YES1: variants seen among roughly 807,000 people sequenced by gnomAD.
The protein encoded by YES1 is YES proto-oncogene 1, Src family tyrosine kinase, also known as tyrosine-protein kinase Yes.
YES1 carries 39 observed loss-of-function variants against 70.4 expected under a neutral mutation model. The ratio of observed to expected loss-of-function variants is 0.55; its 90% CI spans 0.43 to 0.72. The LOEUF (loss-of-function observed/expected upper bound fraction) is 0.72, where lower values mean the gene tolerates loss of function less well. Among genes scored for constraint, YES1 ranks in the 30% least tolerant of loss-of-function variants. The pLI, the probability that YES1 is intolerant of heterozygous loss-of-function variation, is 0.00. For synonymous variants in YES1, 198 were observed against 218.6 expected, an observed-to-expected ratio of 0.91 and a Z score of 0.83; for missense variants, 495 against 644.8, an observed-to-expected ratio of 0.77 and a Z score of 2.52.
rs928096434 is a variant in YES1 at position 760,355 on chromosome 18, C to T, written c.-8-3520G>A. 4.0e-5 allele frequency among the ~76,000 whole-genome samples: 6 copies of T among 151,850 alleles called. No homozygotes were observed. In the South Asian group the frequency reaches 6.3e-4, roughly 16 times the overall value. On this transcript the variant is annotated intron_variant, in intron 1 of 11. Transcript: ENST00000314574. ...TGTGGTGGTGCGCACCTGTAGTCCC[C>T]GCTACTCGGGAGGCTGAGGCAGAAG...
intron 1 of YES1, among the ~76,000 whole-genome samples, chr18:783,727 T>A (rs1054712506): frequency 6.6e-6 from 1 of 152,036 alleles, no homozygotes; most frequent in African/African-American, 2.4e-5. Flanking sequence ...GCAATTCTCC[T>A]GCTTCAGCCA....
intron 1 of YES1, among the ~76,000 whole-genome samples, chr18:800,944 G>A (rs1157805351): frequency 4.6e-5 from 7 of 152,034 alleles, no homozygotes; most frequent in Admixed American, 1.3e-4. Flanking sequence ...TCAGGAGATC[G>A]AGACCATCCT....
chr18:798,783 T>A (rs889402689), intron 1 of YES1, among the ~76,000 whole-genome samples: 1 of 152,216 alleles, frequency 6.6e-6, no homozygotes, highest in Non-Finnish European at 1.5e-5. Context: ...TCCATTAGAA[T>A]TTTAAGCCTC....
intron 1 of YES1, among the ~76,000 whole-genome samples, chr18:807,227 G>A (rs774362942): frequency 5.3e-5 from 8 of 151,976 alleles, no homozygotes; most frequent in East Asian, 1.9e-4. Context: ...CCAGCTACTC[G>A]GGAGGCTGAG....
intron 6 of YES1, among the ~76,000 whole-genome samples, chr18:744,716 A>C (rs1477610207): frequency 3.9e-5 from 1 of 25,456 alleles, no homozygotes; most frequent in African/African-American, 1.4e-4. Context: ...TTTTTTTTTT[A>C]AGAGATGAGG....
At chr18:787,080 C>CTTTTTTTTTTTTTTTTTTTTTTTTTTTT (rs71174290) in intron 1 of YES1, among the ~76,000 whole-genome samples, 1 of 34,736 alleles carries the variant, frequency 2.9e-5, no homozygotes, top group Non-Finnish European at 5.0e-5. Context: ...TACATACTGT[C>CTTTTTTTTTTTTTTTTTTTTTTTTTTTT]TTTTTTTTTT....
chr18:742,806 T>C (rs1342203313), intron 8 of YES1, 112 bp downstream of exon 8: 6 of 791,862 alleles, frequency 7.6e-6, no homozygotes, highest in Non-Finnish European at 9.1e-6. Context: ...TCTATCCAAA[T>C]ATGTCTACAT....
intron 1 of YES1, among the ~76,000 whole-genome samples, chr18:775,672 C>T (rs150148342): frequency 6.6e-6 from 1 of 152,222 alleles, no homozygotes; most frequent in East Asian, 1.9e-4. Flanking sequence ...TGGCATACCC[C>T]TGTAGTCCCA....
chr18:740,836 T>C (rs1284789944), intron 8 of YES1, among the ~76,000 whole-genome samples: 1 of 152,196 alleles, frequency 6.6e-6, no homozygotes, highest in Non-Finnish European at 1.5e-5. Flanking sequence ...TATACAGAGC[T>C]AAATGGGCTA....
chr18:809,367 T>C (rs907795057), intron 1 of YES1, among the ~76,000 whole-genome samples: 1 of 152,154 alleles, frequency 6.6e-6, no homozygotes, highest in Non-Finnish European at 1.5e-5. Flanking sequence ...TGGCACTATC[T>C]TAGCTCACCG....
intron 6 of YES1, 129 bp from the exon 7 acceptor site, chr18:743,544 CACAAA>C: frequency 1.4e-6 from 1 of 702,824 alleles, no homozygotes; most frequent in African/African-American, 1.8e-5. Context: ...ACTCTAAAAG[CACAAA>C]ACAAAAAGGG....
In YES1 at chr18:722,211, A is replaced by T. The variant is rs1175548272; in HGVS notation, c.*2213T>A. Reference sequence around the variant, plus strand: ...TCACATAAAGCCCTTAAAAAATCTCATGTCACAAGTTGTTGATAAGAGGAA... The same window carrying T: ...TCACATAAAGCCCTTAAAAAATCTCTTGTCACAAGTTGTTGATAAGAGGAA... On this transcript the variant is annotated 3_prime_UTR_variant, in exon 12 of 12. Coordinates refer to ENST00000314574, the MANE Select transcript of YES1 (RefSeq NM_005433.4). The T allele has an allele frequency of 6.6e-6, 1 of 152,628 alleles. No individual in the cohort carries two copies. The highest frequency in any genetic ancestry group is 1.9e-4 in the East Asian group (1 of 5,200). The allele number at this position is 152,628 out of a possible 1,614,324, so 9.5% of individuals were successfully genotyped here.
At chr18:732,989 CTTAA>C (rs751440542) in intron 10 of YES1, 24 bp from the exon 11 acceptor site, 42 of 1,613,270 alleles carry the variant, frequency 2.6e-5, no homozygotes, top group Middle Eastern at 1.6e-4. Context: ...GACCATCTTG[CTTAA>C]TTGTTTTTTA....
At chr18:762,185 T>C (rs562408403) in intron 1 of YES1, among the ~76,000 whole-genome samples, 1 of 152,346 alleles carries the variant, frequency 6.6e-6, no homozygotes, top group Non-Finnish European at 1.5e-5. Flanking sequence ...CTGGGCGTGG[T>C]GGCCCATGCC....
chr18:737,161 A>G, intron 9 of YES1, 200 bp from the exon 10 acceptor site: 2 of 522,926 alleles, frequency 3.8e-6, no homozygotes, highest in Non-Finnish European at 6.6e-6. Context: ...GATTTCAAAA[A>G]TCTAACACTG....
intron 1 of YES1, among the ~76,000 whole-genome samples, chr18:799,640 T>C (rs371404494): frequency 1.3e-5 from 2 of 151,958 alleles, no homozygotes; most frequent in South Asian, 4.2e-4. Flanking sequence ...GAGGTGGAGG[T>C]AGCAGTGAGC....
intron 8 of YES1, among the ~76,000 whole-genome samples, chr18:742,459 T>TAA (rs59582095): frequency 7.0e-6 from 1 of 143,336 alleles, no homozygotes; most frequent in Non-Finnish European, 1.5e-5. Context: ...AGTCTCTATT[T>TAA]AAAAAAAAAA....
chr18:780,803 G>C (rs1181720392), intron 1 of YES1, among the ~76,000 whole-genome samples: 2 of 152,068 alleles, frequency 1.3e-5, no homozygotes, highest in Non-Finnish European at 2.9e-5. Context: ...CTGGATTATT[G>C]CAAAAGCCTC....
At position 793,465 on chromosome 18, in the gene YES1, T is replaced by C. The variant is rs537379402; in HGVS notation, c.-9+18649A>G. ...AATCCTCCCATCTCAGCCTCCTGAGTAGCTAGGGCTACAGGCATCTGCCAC... is the reference window on the plus strand; with the variant it reads ...AATCCTCCCATCTCAGCCTCCTGAGCAGCTAGGGCTACAGGCATCTGCCAC... On this transcript the variant is annotated intron_variant, in intron 1 of 11. Transcript: ENST00000314574. Among the ~76,000 whole-genome samples the C allele has an allele frequency of 3.3e-5, 5 of 152,226 alleles. No homozygotes were observed. In the East Asian group the frequency reaches 5.8e-4, roughly 18 times the overall value.
Sources: gnomAD v4.1 joint callset for allele counts (sites outside exome capture counted in the v4.1 genomes callset) on GRCh38, gnomAD v4.1.1 for gene constraint, MANE v1.5 for transcripts, NCBI Gene and HGNC (gene_info 2026-07-23, HGNC 2026-07-21) for gene names.